Variants in CDH18 observed in about 807,000 individuals in gnomAD.
CDH18 encodes the protein cadherin-18.
CDH18 carries 31 observed loss-of-function variants against 67.9 expected under a neutral mutation model. The observed-to-expected ratio is 0.46, with a 90% CI of 0.34 to 0.62. The LOEUF (loss-of-function observed/expected upper bound fraction) is 0.62, where lower values mean the gene tolerates loss of function less well. Ranked by LOEUF, CDH18 falls within the 20% of genes least tolerant of loss-of-function variation. The pLI is 0.01. For synonymous variants in CDH18, 362 were observed against 347.2 expected (o/e 1.04, Z -0.48); for missense variants, 890 against 975.5 (o/e 0.91, Z 1.17).
chr5:19,669,044 C>T (rs564666414), intron 5 of CDH18, among the ~76,000 whole-genome samples: 1 of 149,462 alleles, frequency 6.7e-6, no homozygotes, highest in South Asian at 2.1e-4. Context: ...ACATTCATAC[C>T]ATAAAGTAAC....
chr5:20,253,079 G>A (rs372139192), intron 2 of CDH18, among the ~76,000 whole-genome samples: 7 of 152,082 alleles, frequency 4.6e-5, no homozygotes, highest in South Asian at 2.1e-4. Flanking sequence ...CAGCGGGGTC[G>A]TAGCCTAGCT....
chr5:19,998,018 T>C (rs530725483), intron 2 of CDH18, among the ~76,000 whole-genome samples: 3 of 152,214 alleles, frequency 2.0e-5, no homozygotes, highest in East Asian at 3.9e-4. Flanking sequence ...AAACATGAAA[T>C]GGAAAATCAG....
chr5:20,121,030 GCATCC>G lies in CDH18; in HGVS notation c.-517-129021_-517-129017del, dbSNP rs572711138. Reference sequence around the variant, plus strand: ...ACCACAACTTTAAGAGGAAAATTGCGCATCCCATGAATTAAAATCTGAAAATACTT... The same window carrying G: ...ACCACAACTTTAAGAGGAAAATTGCGCATGAATTAAAATCTGAAAATACTT... On this transcript the variant is annotated intron_variant, in intron 2 of 14. Transcript: ENST00000507958. Among the ~76,000 whole-genome samples, 114 of 152,132 alleles carry G rather than the reference GCATCC, an allele frequency of 7.5e-4. 1 individual carries two copies. The East Asian group carries it at 9.9e-3, about 13-fold the overall frequency.
At chr5:19,877,458 T>C (rs116575869) in intron 2 of CDH18, among the ~76,000 whole-genome samples, 3,998 of 152,202 alleles carry the variant, frequency 0.026, 201 homozygotes, top group African/African-American at 0.09. Flanking sequence ...AGGTAGATAT[T>C]ATAGGCACAT....
rs183950804 is a variant in CDH18 at position 20,156,859 on chromosome 5, T to C, written c.-518+98585A>G. On this transcript the variant is annotated intron_variant, in intron 2 of 14. Transcript: ENST00000507958. ...CAATAAAACTTGTTTGGATGGAATA[T>C]GTAGAAAAATGTGACTACAGAAATT... 2.2e-3 allele frequency among the ~76,000 whole-genome samples: 333 copies of C among 152,324 alleles called. 1 individual carries two copies. Among genetic ancestry groups the C allele is most frequent in the African/African-American group, 7.2e-3 (299 of 41,582 alleles).
chr5:20,018,082 T>C (rs1738041835), intron 2 of CDH18, among the ~76,000 whole-genome samples: 2 of 152,174 alleles, frequency 1.3e-5, no homozygotes, highest in African/African-American at 4.8e-5. Flanking sequence ...TTAGGGTAGT[T>C]GAAATTTAAT....
intron 1 of CDH18, among the ~76,000 whole-genome samples, chr5:20,324,903 C>T (rs1443016028): frequency 6.6e-6 from 1 of 152,138 alleles, no homozygotes; most frequent in South Asian, 2.1e-4. Context: ...TCAGTTGTAA[C>T]ATCTTATTAG....
At chr5:19,968,602 C>T (rs1313744803) in intron 2 of CDH18, among the ~76,000 whole-genome samples, 1 of 148,438 alleles carries the variant, frequency 6.7e-6, no homozygotes, top group Non-Finnish European at 1.5e-5. Flanking sequence ...AAAGGATTCC[C>T]TATTTAATAA....
chr5:20,191,639 T>A (rs1738547456), intron 2 of CDH18, among the ~76,000 whole-genome samples: 1 of 152,144 alleles, frequency 6.6e-6, no homozygotes, highest in Non-Finnish European at 1.5e-5. Context: ...GTTAGTTTGT[T>A]GAGGCTGATG....
At chr5:20,143,022 G>T (rs1750367715) in intron 2 of CDH18, among the ~76,000 whole-genome samples, 1 of 152,174 alleles carries the variant, frequency 6.6e-6, no homozygotes, top group Non-Finnish European at 1.5e-5. Flanking sequence ...GAAGCTGTAA[G>T]AATTTTGAGA....
At chr5:19,483,636 A>G in intron 11 of CDH18, 84 bp from the exon 12 acceptor site, 1 of 1,369,596 alleles carries the variant, frequency 7.3e-7, no homozygotes, top group South Asian at 1.4e-5. Flanking sequence ...TAAAATGGGG[A>G]TGTGTATCTT....
chr5:19,898,631 A>ATAAGAAAT lies in CDH18; in HGVS notation c.-256-59390_-256-59389insATTTCTTA, dbSNP rs1554059612. 7.3e-5 allele frequency among the ~76,000 whole-genome samples: 11 copies of ATAAGAAAT among 151,514 alleles called. No individual in the cohort carries two copies. In the East Asian group the frequency reaches 1.9e-3, roughly 27 times the overall value. ...ATGAATTCTTAATTATATATGGAAA[A>ATAAGAAAT]TAAGAAGAAATTATATGTGGAAAAT... On this transcript the variant is annotated intron_variant, in intron 2 of 12. Coordinates refer to ENST00000382275, the MANE Select transcript of CDH18 (RefSeq NM_004934.5).
At chr5:19,758,934 G>A (rs947140383) in intron 3 of CDH18, among the ~76,000 whole-genome samples, 9 of 152,230 alleles carry the variant, frequency 5.9e-5, no homozygotes, top group South Asian at 2.1e-4. Flanking sequence ...AGCGAAAAGC[G>A]ATCAAAGTCT....
At chr5:19,748,075 T>C (rs1225269612) in intron 3 of CDH18, among the ~76,000 whole-genome samples, 3 of 110,114 alleles carry the variant, frequency 2.7e-5, no homozygotes, top group African/African-American at 3.5e-5. Flanking sequence ...ATCGCGCCAC[T>C]GCACTCCAGG....
chr5:19,573,560 A>G (rs1741821219), intron 7 of CDH18, among the ~76,000 whole-genome samples: 1 of 151,996 alleles, frequency 6.6e-6, no homozygotes, highest in Non-Finnish European at 1.5e-5. Context: ...TTGCAGGCGT[A>G]AGCCACCATG....
chr5:19,809,311 G>A (rs988424010), intron 3 of CDH18, among the ~76,000 whole-genome samples: 1 of 151,990 alleles, frequency 6.6e-6, no homozygotes, highest in African/African-American at 2.4e-5. Flanking sequence ...CACGCTCTAG[G>A]CACCAATAAT....
intron 11 of CDH18, among the ~76,000 whole-genome samples, chr5:19,496,811 CAAAAAAAAAA>C (rs777601146): frequency 1.3e-5 from 1 of 75,206 alleles, no homozygotes; most frequent in African/African-American, 5.1e-5. Flanking sequence ...GACTCCATCT[CAAAAAAAAAA>C]AAAAAAAAAA....
intron 11 of CDH18, among the ~76,000 whole-genome samples, chr5:19,495,208 T>G (rs1742086777): frequency 6.6e-6 from 1 of 152,152 alleles, no homozygotes; most frequent in Non-Finnish European, 1.5e-5. Context: ...TTTAATTAAA[T>G]TTGAAAGAGC....
intron 3 of CDH18, among the ~76,000 whole-genome samples, chr5:19,783,148 G>C (rs1775322662): frequency 6.6e-6 from 1 of 151,964 alleles, no homozygotes. Flanking sequence ...CCTTTTTGCT[G>C]GTCCATGTGT....
Sources: allele counts gnomAD v4.1 joint callset (sites outside exome capture counted in the v4.1 genomes callset), GRCh38; gene constraint gnomAD v4.1.1; transcripts MANE v1.5; gene names NCBI Gene and HGNC (gene_info 2026-07-23, HGNC 2026-07-21).